Variants in PHF2 observed in about 807,000 individuals in gnomAD.
PHF2 encodes PHD finger protein 2.
A neutral mutation model predicts 120.5 loss-of-function variants in PHF2; 27 were observed. The observed-to-expected ratio is 0.22, with a 90% CI of 0.17 to 0.31. The LOEUF is 0.31. Among genes scored for constraint, PHF2 ranks in the 10% least tolerant of loss-of-function variants. The probability of loss-of-function intolerance (pLI) is 1.00; values close to 1 mark genes in which losing one functional copy is unlikely to be tolerated. For synonymous variants in PHF2, 568 were observed against 592.5 expected, an observed-to-expected ratio of 0.96 and a Z score of 0.60; for missense variants, 1,024 against 1,434.8, an observed-to-expected ratio of 0.71 and a Z score of 4.63.
At chr9:93,596,068 C>G (rs1235803842) in intron 1 of PHF2, among the ~76,000 whole-genome samples, 3 of 152,184 alleles carry the variant, frequency 2.0e-5, no homozygotes, top group South Asian at 4.1e-4. Flanking sequence ...TGCTCTTGGC[C>G]TCTCTGGTTA....
At chr9:93,671,597 G>A (rs1289742040) in intron 17 of PHF2, among the ~76,000 whole-genome samples, 12 of 144,486 alleles carry the variant, frequency 8.3e-5, no homozygotes, top group Admixed American at 1.4e-4. Flanking sequence ...TGTGGGAGTA[G>A]GGTCAGGTGT....
At chr9:93,614,412 G>C (rs549520987) in intron 1 of PHF2, among the ~76,000 whole-genome samples, 2 of 152,248 alleles carry the variant, frequency 1.3e-5, no homozygotes, top group African/African-American at 4.8e-5. Context: ...TCTGTTCCCA[G>C]CTAGCTTCTG....
intron 5 of PHF2, 29 bp downstream of exon 5, chr9:93,649,241 G>C: frequency 6.5e-7 from 1 of 1,542,710 alleles, no homozygotes; most frequent in Non-Finnish European, 8.8e-7. Context: ...GGGGTGTGGG[G>C]GCTGGGGTTG....
intron 5 of PHF2, among the ~76,000 whole-genome samples, chr9:93,651,378 C>T (rs1037745176): frequency 2.6e-5 from 4 of 152,224 alleles, no homozygotes; most frequent in Admixed American, 6.5e-5. Context: ...CCTTTGCCTC[C>T]TGTTTCCACT....
At position 93,667,141 on chromosome 9, in the gene PHF2, A is replaced by G; in HGVS notation, c.2249A>G (p.Asn750Ser). The stretch of plus-strand genomic sequence containing the variant: ...GACACAGACACCAAGCCCGGCCGCA[A>G]TGCCAGAGTCAAGAAGGAGAGTGGG... Reference protein sequence around the residue: ...HIDTDTKPGRNARVKKESGSS... With the variant: ...HIDTDTKPGRSARVKKESGSS... The change falls in exon 17 of 22, where the codon AAT becomes AGT. Residue 750 changes from asparagine (N) to serine (S), a missense_variant. Asn to Ser is a conservative substitution (Grantham distance 46). Around this residue, in one of 2 missense-constraint regions of PHF2, gnomAD observed 677 missense variants for 857.4 expected, o/e 0.79. Coordinates refer to ENST00000359246, the MANE Select transcript of PHF2 (RefSeq NM_005392.4). 1 of 1,613,260 alleles carries G rather than the reference A, an allele frequency of 6.2e-7. No homozygotes were observed. The highest frequency in any genetic ancestry group is 8.5e-7 in the Non-Finnish European group (1 of 1,179,980).
rs572791262 is a variant in PHF2 at position 93,648,198 on chromosome 9, T to C, written c.461-873T>C. On this transcript the variant is annotated intron_variant, in intron 4 of 21. Transcript: ENST00000359246. ...TTGGTTTGTTGGAGAGAAGGCCATGTTGGTCCTGCAGAATGTCCCACATCC... is the reference window on the plus strand; with the variant it reads ...TTGGTTTGTTGGAGAGAAGGCCATGCTGGTCCTGCAGAATGTCCCACATCC... 2.2e-4 allele frequency among the ~76,000 whole-genome samples: 33 copies of C among 152,350 alleles called. No homozygotes were observed. The South Asian group carries it at 5.8e-3, about 27-fold the overall frequency.
intron 6 of PHF2, 41 bp from the exon 7 acceptor site, chr9:93,654,372 A>G (rs117671021): frequency 6.3e-7 from 1 of 1,596,098 alleles, no homozygotes; most frequent in Middle Eastern, 1.7e-4. Context: ...CGACCCCCGC[A>G]TCCCAGTATG....
intron 5 of PHF2, among the ~76,000 whole-genome samples, chr9:93,651,786 T>C (rs1012218444): frequency 4.6e-5 from 7 of 152,166 alleles, no homozygotes; most frequent in Non-Finnish European, 1.0e-4. Flanking sequence ...GGCTTGCACC[T>C]AAACAGGCCA....
intron 1 of PHF2, among the ~76,000 whole-genome samples, chr9:93,592,491 G>A (rs985752508): frequency 1.3e-5 from 2 of 152,160 alleles, no homozygotes. Context: ...CCAATTGCTT[G>A]GTAAGAGAGT....
chr9:93,671,760 A>ATGTAGGTACAGGTGTAGATGCAGG (rs1826798269), intron 17 of PHF2, among the ~76,000 whole-genome samples: 9 of 62,056 alleles, frequency 1.5e-4, no homozygotes, highest in Non-Finnish European at 3.4e-4. Flanking sequence ...GTAGATGCAG[A>ATGTAGGTACAGGTGTAGATGCAGG]TGTGGGTGTG....
At chr9:93,581,601 C>T (rs1225258952) in intron 1 of PHF2, among the ~76,000 whole-genome samples, 1 of 152,172 alleles carries the variant, frequency 6.6e-6, no homozygotes, top group Non-Finnish European at 1.5e-5. Context: ...GGAGGTGTGT[C>T]TTGAAGGAAG....
chr9:93,669,061 T>C (rs558445060), intron 17 of PHF2, among the ~76,000 whole-genome samples: 2 of 152,240 alleles, frequency 1.3e-5, no homozygotes, highest in Admixed American at 6.5e-5. Context: ...AAAGTATTAT[T>C]TTCCATGCCG....
chr9:93,669,920 A>G (rs1248978330), intron 17 of PHF2, among the ~76,000 whole-genome samples: 1 of 152,130 alleles, frequency 6.6e-6, no homozygotes, highest in Non-Finnish European at 1.5e-5. Context: ...AGGCATGCAG[A>G]GCTGGGTGGC....
chr9:93,579,523 A>C (rs887390787), intron 1 of PHF2, among the ~76,000 whole-genome samples: 1 of 152,144 alleles, frequency 6.6e-6, no homozygotes, highest in Non-Finnish European at 1.5e-5. Context: ...TCCCCACTTA[A>C]TGTCGTTTTT....
intron 1 of PHF2, among the ~76,000 whole-genome samples, chr9:93,613,074 C>T (rs557259015): frequency 2.0e-5 from 3 of 152,348 alleles, no homozygotes; most frequent in African/African-American, 7.2e-5. Context: ...TTGAGATGTG[C>T]CTGGCAAAGC....
At chr9:93,640,160 G>A (rs1041595918) in intron 3 of PHF2, among the ~76,000 whole-genome samples, 1 of 151,902 alleles carries the variant, frequency 6.6e-6, no homozygotes, top group East Asian at 1.9e-4. Context: ...ATGCCTAGGT[G>A]CAGAATTTTT....
chr9:93,644,767 G>C (rs1370246533), intron 3 of PHF2, among the ~76,000 whole-genome samples: 1 of 152,132 alleles, frequency 6.6e-6, no homozygotes. Flanking sequence ...TGAGGGCTCT[G>C]GGTCCAGCTG....
At chr9:93,586,179 C>G (rs918181377) in intron 1 of PHF2, among the ~76,000 whole-genome samples, 1 of 152,224 alleles carries the variant, frequency 6.6e-6, no homozygotes, top group Non-Finnish European at 1.5e-5. Flanking sequence ...CCCATGGCCC[C>G]GCATGAAGCA....
Position 93,654,403 on chromosome 9 carries a change from C to G in PHF2, c.790-10C>G, listed in dbSNP as rs1826421813. 1.9e-6 allele frequency: 3 copies of G among 1,609,678 alleles called. No individual in the cohort carries two copies. The highest frequency in any genetic ancestry group is 1.3e-5 in the African/African-American group (1 of 74,902). Reference sequence around the variant, plus strand: ...GTATGGGCGGCTCTGCCAACAGGCTCTCTTGGCAGGGGGAGAAGACCTTCT... The same window carrying G: ...GTATGGGCGGCTCTGCCAACAGGCTGTCTTGGCAGGGGGAGAAGACCTTCT... On this transcript the variant is annotated splice_polypyrimidine_tract_variant and intron_variant, in intron 6 of 21. Transcript: ENST00000359246.
Sources: allele counts gnomAD v4.1 joint callset (sites outside exome capture counted in the v4.1 genomes callset), GRCh38; gene constraint gnomAD v4.1.1; regional missense constraint gnomAD v4.1.1; transcripts MANE v1.5; gene names NCBI Gene and HGNC (gene_info 2026-07-23, HGNC 2026-07-21).